The following PRKCH variants were observed in gnomAD, a reference collection of about 807,000 sequenced individuals.
PRKCH encodes the protein protein kinase C eta.
A neutral mutation model predicts 82.5 loss-of-function variants in PRKCH; 28 were observed. The observed-to-expected ratio is 0.34, with a 90% CI of 0.25 to 0.47. The LOEUF is 0.47. Ranked by LOEUF, PRKCH falls within the 20% of genes least tolerant of loss-of-function variation. The pLI, the probability that PRKCH is intolerant of heterozygous loss-of-function variation, is 1.00. For missense variants in PRKCH, 705 were observed against 881.8 expected (o/e 0.80, Z 2.54); for synonymous variants, 322 against 327.4 (o/e 0.98, Z 0.18).
chr14:61,389,854 G>T (rs571986054), intron 1 of PRKCH, among the ~76,000 whole-genome samples: 3 of 151,306 alleles, frequency 2.0e-5, no homozygotes, highest in African/African-American at 7.3e-5. Context: ...TAGTAGGGGG[G>T]CTCTTTCCAC....
chr14:61,285,063 A>G (rs2045302640), intron 1 of PRKCH, among the ~76,000 whole-genome samples: 1 of 152,168 alleles, frequency 6.6e-6, no homozygotes, highest in Admixed American at 6.5e-5. Context: ...TATGATAGTG[A>G]CCATCTTTTC....
intron 1 of PRKCH, among the ~76,000 whole-genome samples, chr14:61,234,192 C>T (rs915212889): frequency 2.0e-5 from 3 of 152,156 alleles, no homozygotes; most frequent in African/African-American, 7.2e-5. Flanking sequence ...ATAACCCACC[C>T]CTATTAGGTC....
intron 12 of PRKCH, among the ~76,000 whole-genome samples, chr14:61,537,144 TC>T (rs1334076258): frequency 1.3e-5 from 2 of 152,194 alleles, no homozygotes; most frequent in East Asian, 3.9e-4. Flanking sequence ...TTTTCTTGCT[TC>T]CCCTTCTGTC....
intron 1 of PRKCH, among the ~76,000 whole-genome samples, chr14:61,260,016 A>G (rs1485985187): frequency 6.6e-6 from 1 of 152,196 alleles, no homozygotes; most frequent in Admixed American, 6.5e-5. Context: ...TGACCCAGAA[A>G]AGATTAAAGA....
chr14:61,342,946 T>C (rs985801462), intron 1 of PRKCH, among the ~76,000 whole-genome samples: 39 of 152,254 alleles, frequency 2.6e-4, no homozygotes, highest in African/African-American at 9.2e-4. Context: ...CGCCTCATTC[T>C]CAAGATAGCC....
chr14:61,321,123 G>A (rs1025946052), upstream of PRKCH, among the ~76,000 whole-genome samples: 5 of 152,214 alleles, frequency 3.3e-5, no homozygotes, highest in Non-Finnish European at 7.3e-5. This position sits in a 1 kb window ranked among gnomAD's most constrained non-coding sequence, Gnocchi z 4.1. Context: ...CTGACCCCGG[G>A]ATGAGCCATC....
At chr14:61,430,899 C>T (rs1044384062) in intron 2 of PRKCH, among the ~76,000 whole-genome samples, 20 of 152,168 alleles carry the variant, frequency 1.3e-4, no homozygotes, top group Non-Finnish European at 2.5e-4. Flanking sequence ...GGACTACAGG[C>T]ACGTGCCACC....
chr14:61,323,362 G>A (rs2045656132), intron 1 of PRKCH, among the ~76,000 whole-genome samples: 1 of 152,180 alleles, frequency 6.6e-6, no homozygotes, highest in East Asian at 1.9e-4. Context: ...CACTGTCTTT[G>A]TGATGCAGGT....
At chr14:61,257,826 G>T (rs1816496048) in intron 1 of PRKCH, among the ~76,000 whole-genome samples, 2 of 152,150 alleles carry the variant, frequency 1.3e-5, no homozygotes, top group South Asian at 4.1e-4. Flanking sequence ...AGGTGATTCA[G>T]CTAGAACGAG....
intron 10 of PRKCH, among the ~76,000 whole-genome samples, chr14:61,508,847 G>C (rs1344347050): frequency 6.6e-6 from 1 of 152,070 alleles, no homozygotes; most frequent in Non-Finnish European, 1.5e-5. Flanking sequence ...GATGTATCTT[G>C]AGGAGTGAAG....
chr14:61,499,007 A>G (rs951000301), intron 10 of PRKCH, among the ~76,000 whole-genome samples: 3 of 152,162 alleles, frequency 2.0e-5, no homozygotes, highest in Non-Finnish European at 4.4e-5. Flanking sequence ...AGTGGAACAC[A>G]CAGTAGACAG....
chr14:61,244,305 C>G (rs947987914), intron 1 of PRKCH, among the ~76,000 whole-genome samples: 1 of 152,126 alleles, frequency 6.6e-6, no homozygotes, highest in Non-Finnish European at 1.5e-5. Context: ...GAGTGCAAAG[C>G]TGGGTCACTG....
intron 12 of PRKCH, among the ~76,000 whole-genome samples, chr14:61,535,249 A>T: frequency 6.6e-6 from 1 of 152,228 alleles, no homozygotes; most frequent in South Asian, 2.1e-4. Flanking sequence ...AGTGAGGCAA[A>T]CATGATCCTG....
At chr14:61,291,067 A>G (rs1359065712) in intron 1 of PRKCH, among the ~76,000 whole-genome samples, 1 of 152,224 alleles carries the variant, frequency 6.6e-6, no homozygotes, top group Non-Finnish European at 1.5e-5. Context: ...TTGCTCCAAC[A>G]AGATAATATG....
At chr14:61,248,722 G>C (rs530014060) in intron 1 of PRKCH, among the ~76,000 whole-genome samples, 67 of 152,150 alleles carry the variant, frequency 4.4e-4, no homozygotes, top group African/African-American at 1.5e-3. Context: ...AGAATGTGAA[G>C]TTAAAACTCA....
intron 2 of PRKCH, among the ~76,000 whole-genome samples, chr14:61,413,232 A>G (rs909420454): frequency 2.3e-4 from 35 of 151,910 alleles, no homozygotes; most frequent in Non-Finnish European, 4.4e-4. Context: ...TTTCTCTGCA[A>G]TCTTTCGTGT....
At chr14:61,537,288 C>T (rs1288611786) in intron 12 of PRKCH, among the ~76,000 whole-genome samples, 4 of 152,164 alleles carry the variant, frequency 2.6e-5, no homozygotes, top group Non-Finnish European at 4.4e-5. Context: ...ACAAAAAAGG[C>T]ATATGACGAT....
chr14:61,246,941 C>G (rs1354907207), intron 1 of PRKCH, among the ~76,000 whole-genome samples: 1 of 152,090 alleles, frequency 6.6e-6, no homozygotes, highest in Non-Finnish European at 1.5e-5. Context: ...TCTTCGGCCC[C>G]CATTGTTGGC....
chr14:61,239,492 G>A (rs762903668), intron 1 of PRKCH, among the ~76,000 whole-genome samples: 3 of 152,184 alleles, frequency 2.0e-5, no homozygotes, highest in Non-Finnish European at 4.4e-5. Flanking sequence ...CGAGGTACCC[G>A]GATGGCCTCT....
Sources: allele counts gnomAD v4.1 joint callset (sites outside exome capture counted in the v4.1 genomes callset), GRCh38; gene constraint gnomAD v4.1.1; non-coding constraint Gnocchi (gnomAD v3.1); transcripts MANE v1.5; gene names NCBI Gene and HGNC (gene_info 2026-07-23, HGNC 2026-07-21).